Variants in TTC17 observed in about 807,000 individuals in gnomAD.
TTC17 encodes tetratricopeptide repeat protein 17.
Under a neutral mutation model 143.8 loss-of-function variants are expected in TTC17, and 58 were observed. That is an observed-to-expected ratio of 0.40 (90% CI 0.33 to 0.50). The LOEUF is 0.50. TTC17 is among the 20% of genes least tolerant of loss of function. TTC17 has a pLI of 0.49. For synonymous variants in TTC17, 501 were observed against 497.8 expected, an observed-to-expected ratio of 1.01 and a Z score of -0.09; for missense variants, 1,273 against 1,392.5, an observed-to-expected ratio of 0.91 and a Z score of 1.37.
At chr11:43,428,157 T>C (rs924899029) in intron 16 of TTC17, among the ~76,000 whole-genome samples, 44 of 152,170 alleles carry the variant, frequency 2.9e-4, no homozygotes, top group African/African-American at 1.0e-3. Flanking sequence ...CTCCTGTTTT[T>C]AATGAAAGTT....
In TTC17 at chr11:43,450,229, T is replaced by C. The variant is rs953532343; in HGVS notation, c.2934T>C (p.Ser978=). The C allele has an allele frequency of 1.2e-6, 2 of 1,612,648 alleles. No homozygotes were observed. The highest frequency in any genetic ancestry group is 2.7e-5 in the African/African-American group (2 of 74,688). The change falls in exon 20 of 24, where the codon AGT becomes AGC. Residue 978 remains serine, a synonymous_variant. Coordinates refer to ENST00000039989, the MANE Select transcript of TTC17 (RefSeq NM_018259.6). ...CCAGCCTGCACTACACAGGGGAGAG[T>C]CAGTTAACAGAGGTGAGTGCTCGGC... ...NRASLHYTGE[S]QLTEVLQNLG...
Position 43,481,779 on chromosome 11 carries a change from G to A in TTC17, c.3031-8460G>A, listed in dbSNP as rs140126122. ...TATCTCTTTTTTTCTGATCAGACTC[G>A]CTAGAAGTTTATGAATTTTATTGAT... is the stretch of plus-strand genomic sequence containing the variant. On this transcript the variant is annotated intron_variant, in intron 21 of 23. Transcript: ENST00000039989. Among the ~76,000 whole-genome samples the A allele has an allele frequency of 4.8e-3, 723 of 151,908 alleles. 18 individuals are homozygous for A. The highest frequency in any genetic ancestry group is 0.031 in the Admixed American group (465 of 15,244).
chr11:43,393,256 A>G lies in TTC17; in HGVS notation c.663+1304A>G, dbSNP rs192303594. Among the ~76,000 whole-genome samples, 282 of 152,344 alleles carry G rather than the reference A, an allele frequency of 1.9e-3. 3 individuals carry two copies. The highest frequency in any genetic ancestry group is 6.5e-3 in the Admixed American group (100 of 15,306). On this transcript the variant is annotated intron_variant, in intron 5 of 23. Transcript: ENST00000039989. ...CACTTCAGATGCCAGTCGCAAGTCA[A>G]GGCCACCAGACAAATTAGCTATAAA...
At chr11:43,413,870 A>G (rs958817611) in intron 15 of TTC17, among the ~76,000 whole-genome samples, 1 of 152,206 alleles carries the variant, frequency 6.6e-6, no homozygotes, top group East Asian at 1.9e-4. Context: ...TTGTGCATCC[A>G]TTTGGAAGAC....
chr11:43,419,916 A>T (rs1946862001), intron 16 of TTC17, among the ~76,000 whole-genome samples: 1 of 152,216 alleles, frequency 6.6e-6, no homozygotes, highest in Admixed American at 6.5e-5. Flanking sequence ...CTGTAAAAAG[A>T]ATTAAAACTG....
At chr11:43,461,644 A>G (rs1947870281) in intron 21 of TTC17, among the ~76,000 whole-genome samples, 2 of 152,172 alleles carry the variant, frequency 1.3e-5, no homozygotes, top group Admixed American at 1.3e-4. Flanking sequence ...GAAAGAATGA[A>G]GAACACTGGG....
chr11:43,365,080 C>T (rs890989444), intron 1 of TTC17, among the ~76,000 whole-genome samples: 4 of 151,686 alleles, frequency 2.6e-5, no homozygotes, highest in South Asian at 2.1e-4. Flanking sequence ...GGATTACAGG[C>T]GTGAACCCAC....
At chr11:43,410,664 C>T (rs1858368241) in intron 15 of TTC17, among the ~76,000 whole-genome samples, 1 of 152,146 alleles carries the variant, frequency 6.6e-6, no homozygotes, top group African/African-American at 2.4e-5. Context: ...CTCCTTTATT[C>T]AACAGCTTAC....
chr11:43,417,717 T>A (rs1946809257), intron 16 of TTC17, among the ~76,000 whole-genome samples: 1 of 152,158 alleles, frequency 6.6e-6, no homozygotes, highest in African/African-American at 2.4e-5. Context: ...GCACCTGTAA[T>A]CCCAGCTACT....
intron 16 of TTC17, among the ~76,000 whole-genome samples, chr11:43,439,039 A>G (rs1947355818): frequency 6.6e-6 from 1 of 152,202 alleles, no homozygotes; most frequent in Non-Finnish European, 1.5e-5. Context: ...CATTAATAGC[A>G]CATTCCCTTA....
chr11:43,428,520 T>C (rs530351017), intron 16 of TTC17, among the ~76,000 whole-genome samples: 14 of 152,308 alleles, frequency 9.2e-5, no homozygotes, highest in Admixed American at 3.3e-4. Context: ...GTGTCTCAAC[T>C]GGTGCTGACT....
chr11:43,477,287 C>T (rs1388364736), intron 21 of TTC17, among the ~76,000 whole-genome samples: 1 of 152,234 alleles, frequency 6.6e-6, no homozygotes, highest in East Asian at 1.9e-4. Flanking sequence ...CTGTCTTCTT[C>T]TGAGCCCTTC....
intron 20 of TTC17, among the ~76,000 whole-genome samples, chr11:43,450,895 C>T (rs1947644785): frequency 6.6e-6 from 1 of 152,078 alleles, no homozygotes; most frequent in Non-Finnish European, 1.5e-5. Context: ...CTTTACATGT[C>T]TGAATGACAA....
chr11:43,408,899 G>A (rs146694533), intron 15 of TTC17, among the ~76,000 whole-genome samples: 7 of 151,956 alleles, frequency 4.6e-5, no homozygotes, highest in Admixed American at 1.3e-4. Context: ...GCACCACTGC[G>A]TATGGCTGAA....
intron 1 of TTC17, among the ~76,000 whole-genome samples, chr11:43,361,868 C>A (rs1552943): frequency 0.059 from 8,965 of 152,054 alleles, 291 homozygotes; most frequent in African/African-American, 0.095. Context: ...CTTTTGAGAA[C>A]CTTTAATATT....
chr11:43,396,869 T>A, intron 6 of TTC17, 51 bp downstream of exon 6: 1 of 1,146,054 alleles, frequency 8.7e-7, no homozygotes, highest in Non-Finnish European at 1.3e-6. Flanking sequence ...TCAGGACTGT[T>A]AAAGAAACAA....
intron 16 of TTC17, among the ~76,000 whole-genome samples, chr11:43,433,634 A>G (rs571622906): frequency 3.3e-4 from 51 of 152,264 alleles, no homozygotes; most frequent in African/African-American, 1.2e-3. Context: ...TACCTACAAG[A>G]TATTTTTTCG....
chr11:43,397,946 G>GTGTA, intron 7 of TTC17, 28 bp from the exon 8 acceptor site: 2 of 1,425,922 alleles, frequency 1.4e-6, no homozygotes, highest in Non-Finnish European at 1.9e-6. Flanking sequence ...GTGTGTGTGT[G>GTGTA]TGTGTATGTT....
At chr11:43,412,473 G>T (rs1858462273) in intron 15 of TTC17, among the ~76,000 whole-genome samples, 1 of 150,584 alleles carries the variant, frequency 6.6e-6, no homozygotes, top group Non-Finnish European at 1.5e-5. Flanking sequence ...AGGAAATAAA[G>T]AAAACATCAG....
Sources: allele counts gnomAD v4.1 joint callset (sites outside exome capture counted in the v4.1 genomes callset), GRCh38; gene constraint gnomAD v4.1.1; transcripts MANE v1.5; gene names NCBI Gene and HGNC (gene_info 2026-07-23, HGNC 2026-07-21).